The following HERPUD2 variants were observed in gnomAD, a reference collection of about 807,000 sequenced individuals.
The protein encoded by HERPUD2 is HERPUD family member 2, also known as homocysteine-responsive endoplasmic reticulum-resident ubiquitin-like domain member 2 protein.
In HERPUD2, 13 loss-of-function variants were observed where a neutral mutation model predicts 49.9. The observed-to-expected ratio is 0.26, with a 90% CI of 0.17 to 0.41. The LOEUF (loss-of-function observed/expected upper bound fraction) is 0.41. HERPUD2 is among the 10% of genes least tolerant of loss of function. HERPUD2 has a pLI of 1.00. For synonymous variants in HERPUD2, 172 were observed against 171.4 expected (o/e 1.00, Z -0.03); for missense variants, 449 against 492.2 (o/e 0.91, Z 0.83).
chr7:35,636,185 A>C (rs573592696), intron 6 of HERPUD2, among the ~76,000 whole-genome samples: 1 of 152,366 alleles, frequency 6.6e-6, no homozygotes, highest in African/African-American at 2.4e-5. Flanking sequence ...AATAAGACTG[A>C]CATGAATTGA....
At chr7:35,685,583 C>T (rs111975603) in intron 2 of HERPUD2, among the ~76,000 whole-genome samples, 4,371 of 152,060 alleles carry the variant, frequency 0.029, 188 homozygotes, top group African/African-American at 0.097. Context: ...ATTTCAGCCT[C>T]CCAAAGTGCT....
chr7:35,689,178 T>C (rs1207177768), intron 2 of HERPUD2, among the ~76,000 whole-genome samples: 2 of 152,188 alleles, frequency 1.3e-5, no homozygotes, highest in East Asian at 3.8e-4. Flanking sequence ...AATGTTATTA[T>C]ATTTTCCAAA....
intron 2 of HERPUD2, among the ~76,000 whole-genome samples, chr7:35,683,116 C>G (rs1430102011): frequency 6.6e-6 from 1 of 152,086 alleles, no homozygotes; most frequent in Non-Finnish European, 1.5e-5. Context: ...ATAGCCAAAG[C>G]AAGACTAAGC....
In HERPUD2 at chr7:35,670,357, G is replaced by C. The variant is rs193054471; in HGVS notation, c.226-29C>G. 5.1e-4 allele frequency: 556 copies of C among 1,081,300 alleles called. 11 individuals carry two copies. In the East Asian group the frequency reaches 0.015, roughly 29 times the overall value. The allele number at this position is 1,081,300 out of a possible 1,614,324, so 67.0% of individuals were successfully genotyped here. ...AAATTAAAGAAGATTACATTTAAAG[G>C]GTAGTACTACAAAATGTACAGTTCA... On this transcript the variant is annotated intron_variant, in intron 3 of 8. Transcript: ENST00000311350.
chr7:35,635,066 C>G, intron 7 of HERPUD2, 69 bp downstream of exon 7: 1 of 1,158,670 alleles, frequency 8.6e-7, no homozygotes, highest in Non-Finnish European at 1.3e-6. Flanking sequence ...CAACAGACTA[C>G]CCTACACCAG....
chr7:35,663,764 C>A (rs565783446), intron 5 of HERPUD2, among the ~76,000 whole-genome samples: 1 of 152,268 alleles, frequency 6.6e-6, no homozygotes, highest in South Asian at 2.1e-4. Flanking sequence ...AGATCTTCCT[C>A]CATCCCTTTA....
In HERPUD2 at chr7:35,694,137, G is replaced by T. The variant is rs138215488; in HGVS notation, c.147+47C>A. The T allele has an allele frequency of 4.3e-3, 6,997 of 1,609,066 alleles. 35 individuals are homozygous for T. Among genetic ancestry groups the T allele is most frequent in the Non-Finnish European group, 5.5e-3 (6,511 of 1,175,600 alleles). ...CAGGAAAAAGGAGGGTACACGGCACGAAAAGCTGCTGGTCAGAGCAGCTGC... is the reference window on the plus strand; with the variant it reads ...CAGGAAAAAGGAGGGTACACGGCACTAAAAGCTGCTGGTCAGAGCAGCTGC... On this transcript the variant is annotated intron_variant, in intron 2 of 8. Transcript: ENST00000311350.
In HERPUD2 at chr7:35,694,177, C is replaced by T; in HGVS notation, c.147+7G>A. On this transcript the variant is annotated splice_region_variant and intron_variant, in intron 2 of 8. Transcript: ENST00000311350. Reference sequence around the variant, plus strand: ...AGAGCAGCTGCCCCCAGCTTTTACACACTTACTGGTTTGCTAGGGTAAACG... The same window carrying T: ...AGAGCAGCTGCCCCCAGCTTTTACATACTTACTGGTTTGCTAGGGTAAACG... The T allele has an allele frequency of 6.2e-7, 1 of 1,614,124 alleles. No homozygotes were observed. The highest frequency in any genetic ancestry group is 1.1e-5 in the South Asian group (1 of 91,082).
intron 2 of HERPUD2, among the ~76,000 whole-genome samples, chr7:35,686,196 CT>C (rs1348780601): frequency 1.4e-4 from 20 of 146,078 alleles, no homozygotes; most frequent in Admixed American, 2.7e-4. Flanking sequence ...TTTTTCTTTT[CT>C]TTTTTTTTTG....
intron 5 of HERPUD2, 80 bp from the exon 6 acceptor site, chr7:35,638,552 A>G: frequency 7.4e-7 from 1 of 1,344,250 alleles, no homozygotes. Flanking sequence ...CTGAACCCCA[A>G]GTCAACCATT....
intron 2 of HERPUD2, among the ~76,000 whole-genome samples, chr7:35,674,378 C>CATATATATATATATATATATATAT (rs1562682656): frequency 1.1e-4 from 4 of 34,934 alleles, no homozygotes; most frequent in South Asian, 9.1e-4. Context: ...AGTCTTACAA[C>CATATATATATATATATATATATAT]CTATATATAT....
intron 2 of HERPUD2, among the ~76,000 whole-genome samples, chr7:35,676,531 C>G (rs1785764854): frequency 1.3e-5 from 2 of 152,230 alleles, no homozygotes; most frequent in South Asian, 4.1e-4. Flanking sequence ...ATGCCCCAGA[C>G]CTAGAATCAG....
At position 35,669,751 on chromosome 7, in the gene HERPUD2, C is replaced by T. The variant is rs1404015460; in HGVS notation, c.339+464G>A. Among the ~76,000 whole-genome samples the T allele has an allele frequency of 2.0e-5, 3 of 152,050 alleles. No individual in the cohort carries two copies. In the East Asian group the frequency reaches 5.8e-4, roughly 29 times the overall value. Reference sequence around the variant, plus strand: ...AGCAGGTGGAATGTACACCCAAATCCAGTCATTTTTAAAAAACAAAATCCT... The same window carrying T: ...AGCAGGTGGAATGTACACCCAAATCTAGTCATTTTTAAAAAACAAAATCCT... On this transcript the variant is annotated intron_variant, in intron 4 of 8. Transcript: ENST00000311350.
chr7:35,691,777 A>T (rs1258144545), intron 2 of HERPUD2, among the ~76,000 whole-genome samples: 2 of 152,212 alleles, frequency 1.3e-5, no homozygotes, highest in Non-Finnish European at 2.9e-5. Flanking sequence ...ATGACCTTAC[A>T]AAGTAAACTT....
rs1369523330 is a variant in HERPUD2, at chr7:35,633,782, G to C, written c.1129C>G (p.Gln377Glu). Residue 377 changes from glutamine (Q) to glutamate (E), a missense_variant, in exon 9 of 9, where the codon CAA becomes GAA. Physicochemically the swap from Gln to Glu is conservative, Grantham distance 29 (BLOSUM62 2). Transcript: ENST00000311350. The part of the protein sequence containing the change: ...EDGGEDASAI[Q>E]RPGLMASAWS... Reference sequence around the variant, plus strand: ...GCTGAAGCCATTAATCCAGGCCTTTGAATTGCACTGGCATCTTCACCTCCA... The same window carrying C: ...GCTGAAGCCATTAATCCAGGCCTTTCAATTGCACTGGCATCTTCACCTCCA... 1 of 1,613,952 alleles carries C rather than the reference G, an allele frequency of 6.2e-7. No individual in the cohort carries two copies. The highest frequency in any genetic ancestry group is 1.1e-5 in the South Asian group (1 of 91,066).
chr7:35,679,694 CTCTG>C (rs1483365341), intron 2 of HERPUD2, among the ~76,000 whole-genome samples: 5 of 152,202 alleles, frequency 3.3e-5, no homozygotes, highest in African/African-American at 1.2e-4. Context: ...AAATTTGTCT[CTCTG>C]TCCAAGGCCT....
At chr7:35,671,214 G>A (rs187130963) in intron 3 of HERPUD2, among the ~76,000 whole-genome samples, 218 of 152,110 alleles carry the variant, frequency 1.4e-3, no homozygotes, top group African/African-American at 5.2e-3. Flanking sequence ...TCCAAGAAAG[G>A]GTACAACAGG....
At chr7:35,673,152 T>TC (rs1785680494) in intron 3 of HERPUD2, 49 bp downstream of exon 3, 1 of 1,376,672 alleles carries the variant, frequency 7.3e-7, no homozygotes, top group African/African-American at 1.4e-5. Flanking sequence ...ACATATCTCC[T>TC]CTCACATTCT....
chr7:35,639,253 C>T (rs1397190422), intron 5 of HERPUD2, among the ~76,000 whole-genome samples: 8 of 151,918 alleles, frequency 5.3e-5, no homozygotes, highest in African/African-American at 9.7e-5. Flanking sequence ...AGGCTGGTCT[C>T]GAACTCCTGA....
Sources: allele counts gnomAD v4.1 joint callset (sites outside exome capture counted in the v4.1 genomes callset), GRCh38; gene constraint gnomAD v4.1.1; transcripts MANE v1.5; gene names NCBI Gene and HGNC (gene_info 2026-07-23, HGNC 2026-07-21).